Variants in SPTB observed in about 807,000 individuals in gnomAD.
SPTB encodes spectrin beta, erythrocytic.
Under a neutral mutation model 256.2 loss-of-function variants are expected in SPTB, and 45 were observed. The ratio of observed to expected loss-of-function variants is 0.18; its 90% CI spans 0.14 to 0.23. The LOEUF is 0.23. SPTB is among the 10% of genes least tolerant of loss of function. The pLI, the probability that SPTB is intolerant of heterozygous loss-of-function variation, is 1.00. For synonymous variants in SPTB, 1,231 were observed against 1,243.1 expected (o/e 0.99, Z 0.21); for missense variants, 2,715 against 3,040.4 (o/e 0.89, Z 2.52).
rs2082046862 is a variant in SPTB at position 64,758,413 on chromosome 14, C to T, written c.6346-4620G>A. Among the ~76,000 whole-genome samples, 1 of 152,204 alleles carries T rather than the reference C, an allele frequency of 6.6e-6. No homozygotes were observed. The highest frequency in any genetic ancestry group is 1.5e-5 in the Non-Finnish European group (1 of 68,038). On this transcript the variant is annotated intron_variant, in intron 32 of 35. Transcript: ENST00000644917. This position sits in a 1 kb window ranked among gnomAD's most constrained non-coding sequence, Gnocchi z 4.6. ...AGCAGTGCAGGAGGGCCTGAGGCCC[C>T]ACCCCTTTAGGGTAGTGCAGAAGTG...
chr14:64,867,954 G>A (rs975712232), intron 1 of SPTB, among the ~76,000 whole-genome samples: 1 of 152,054 alleles, frequency 6.6e-6, no homozygotes, highest in Non-Finnish European at 1.5e-5. Context: ...AGTCATGGAG[G>A]CAGGAAAATG....
chr14:64,861,171 G>A (rs1056834395), intron 1 of SPTB, among the ~76,000 whole-genome samples: 14 of 152,142 alleles, frequency 9.2e-5, no homozygotes, highest in Non-Finnish European at 1.9e-4. Flanking sequence ...GACACAGAGA[G>A]GGGAACAACA....
At position 64,793,610 on chromosome 14, in the gene SPTB, C is replaced by T; in HGVS notation, c.2053G>A (p.Glu685Lys). 2 of 1,614,188 alleles carry T rather than the reference C, an allele frequency of 1.2e-6. No individual in the cohort carries two copies. The highest frequency in any genetic ancestry group is 8.5e-7 in the Non-Finnish European group (1 of 1,180,048). Reference sequence around the variant, plus strand: ...AGGTGAGCATCCAGCCCACGGAGCTCATCCTCAAAGGCCTTGTGCTTGCGC... The same window carrying T: ...AGGTGAGCATCCAGCCCACGGAGCTTATCCTCAAAGGCCTTGTGCTTGCGC... ...LQRKHKAFED[E>K]LRGLDAHLEQ... is the part of the protein sequence containing the mutation. Residue 685 changes from glutamate (E) to lysine (K), a missense_variant, in exon 14 of 36, where the codon GAG becomes AAG. Physicochemically the swap from Glu to Lys is moderately conservative, Grantham distance 56. Coordinates refer to ENST00000644917, the MANE Select transcript of SPTB (RefSeq NM_001355436.2). The surrounding 1 kb of genome is among the most constrained non-coding windows in gnomAD (Gnocchi z 7.0).
At chr14:64,770,173 GA>G (rs2082256433) in intron 27 of SPTB, among the ~76,000 whole-genome samples, 1 of 152,232 alleles carries the variant, frequency 6.6e-6, no homozygotes, top group African/African-American at 2.4e-5. Flanking sequence ...ACTAGGAAGA[GA>G]GGGGAATGGG....
At chr14:64,815,791 A>G (rs921391105) in intron 2 of SPTB, among the ~76,000 whole-genome samples, 1 of 152,172 alleles carries the variant, frequency 6.6e-6, no homozygotes, top group East Asian at 1.9e-4. Flanking sequence ...ACACCACTCC[A>G]TAGGTGGCTT....
intron 1 of SPTB, among the ~76,000 whole-genome samples, chr14:64,836,179 G>A (rs756784947): frequency 3.9e-5 from 6 of 152,220 alleles, no homozygotes; most frequent in Non-Finnish European, 8.8e-5. Context: ...GGACCTAGAG[G>A]ATGGGGCCAT....
At chr14:64,860,918 T>C (rs929059075) in intron 1 of SPTB, among the ~76,000 whole-genome samples, 5 of 152,136 alleles carry the variant, frequency 3.3e-5, no homozygotes, top group African/African-American at 1.2e-4. Context: ...CACATGCACA[T>C]GTATGTTTAT....
intron 10 of SPTB, among the ~76,000 whole-genome samples, chr14:64,797,294 A>T (rs1202159991): frequency 6.6e-6 from 1 of 151,648 alleles, no homozygotes; most frequent in Non-Finnish European, 1.5e-5. Flanking sequence ...ACATTGCCAG[A>T]CTCTGTCTCT....
In SPTB at chr14:64,825,982, GTTTTTGTT is replaced by G. The variant is rs895826275; in HGVS notation, c.-51-2845_-51-2838del. 5.3e-5 allele frequency among the ~76,000 whole-genome samples: 8 copies of G among 151,720 alleles called. No individual in the cohort carries two copies. The highest frequency in any genetic ancestry group is 7.4e-5 in the Non-Finnish European group (5 of 68,016). ...CTAAATATACAGCTGGAGGGTTTTT[GTTTTTGTT>G]TTTGTTTTGGAAAGAGTCAGGTCCC... On this transcript the variant is annotated intron_variant, in intron 1 of 35. Transcript: ENST00000644917. This position sits in a 1 kb window ranked among gnomAD's most constrained non-coding sequence, Gnocchi z 4.8.
At chr14:64,855,634 A>T (rs528275737) in intron 1 of SPTB, among the ~76,000 whole-genome samples, 2 of 152,178 alleles carry the variant, frequency 1.3e-5, no homozygotes, top group South Asian at 2.1e-4. Flanking sequence ...AGAAATGTGG[A>T]TCTTCTTTTT....
rs544233546 is a variant in SPTB, at chr14:64,834,096, G to A, written c.-51-10951C>T. ...GGCTGGAGTGCAGTGGCGCTATCTC[G>A]GCTCACTGCAACCTCCGCCTTCCAG... On this transcript the variant is annotated intron_variant, in intron 1 of 35. Coordinates refer to ENST00000644917, the MANE Select transcript of SPTB (RefSeq NM_001355436.2). 4.9e-4 allele frequency among the ~76,000 whole-genome samples: 73 copies of A among 147,908 alleles called. 1 individual carries two copies. The South Asian group carries it at 0.014, about 28-fold the overall frequency.
At chr14:64,813,897 G>A (rs2083138753) in intron 2 of SPTB, among the ~76,000 whole-genome samples, 1 of 152,206 alleles carries the variant, frequency 6.6e-6, no homozygotes, top group African/African-American at 2.4e-5. Context: ...CCATAATAAA[G>A]CCTAGCATGG....
rs1227189633 is a variant in SPTB at position 64,786,411 on chromosome 14, C to T, written c.3554G>A (p.Ser1185Asn). The T allele has an allele frequency of 1.9e-6, 3 of 1,613,954 alleles. No individual in the cohort carries two copies. In the African/African-American group the frequency reaches 4.0e-5, roughly 22 times the overall value. Residue 1185 changes from serine (S) to asparagine (N), a missense_variant, in exon 16 of 36, where the codon AGC (serine) becomes AAC (asparagine). Around this residue, in one of 4 missense-constraint regions of SPTB, gnomAD observed 2,239 missense variants for 2,384.4 expected, o/e 0.94. Coordinates refer to ENST00000644917, the MANE Select transcript of SPTB (RefSeq NM_001355436.2). The surrounding 1 kb of genome is among the most constrained non-coding windows in gnomAD (Gnocchi z 5.6). ...CCCTGAATGCCTCTCTACCTGGTTG[C>T]TGAGGATGGCTTCAGCCTGCTTGGC... ...KDAKQAEAILSNQEYTLAHLE... is the reference protein window; with the variant it reads ...KDAKQAEAILNNQEYTLAHLE...
At chr14:64,763,901 A>G (rs1002547988) in intron 32 of SPTB, 11 of 518,192 alleles carry the variant, frequency 2.1e-5, no homozygotes, top group Non-Finnish European at 3.9e-5. Context: ...ACGTGCACAC[A>G]CACGTGGGGA....
rs117072396 is a variant in SPTB at position 64,851,370 on chromosome 14, G to A, written c.-51-28225C>T. Reference sequence around the variant, plus strand: ...CTAACATTATCTACTTTATGGAGTTGTTGTGAATATTAAAGACTTCATATA... The same window carrying A: ...CTAACATTATCTACTTTATGGAGTTATTGTGAATATTAAAGACTTCATATA... On this transcript the variant is annotated intron_variant, in intron 1 of 35. Transcript: ENST00000644917. 4.6e-5 allele frequency among the ~76,000 whole-genome samples: 7 copies of A among 152,276 alleles called. No homozygotes were observed. The East Asian group carries it at 1.2e-3, about 25-fold the overall frequency.
In SPTB at chr14:64,806,965, T is replaced by C. The variant is rs2082996007; in HGVS notation, c.149-1875A>G. ...AGCGAGAAAACTCCCCTTACCCTTT[T>C]GTCAACAGCAAATTAAACCACTTTC... On this transcript the variant is annotated intron_variant, in intron 2 of 35. Coordinates refer to ENST00000644917, the MANE Select transcript of SPTB (RefSeq NM_001355436.2). The surrounding 1 kb of genome is among the most constrained non-coding windows in gnomAD (Gnocchi z 4.1). 1.3e-5 allele frequency among the ~76,000 whole-genome samples: 2 copies of C among 152,226 alleles called. No homozygotes were observed. The highest frequency in any genetic ancestry group is 4.8e-5 in the African/African-American group (2 of 41,458).
At chr14:64,809,899 A>G (rs1594801174) in intron 2 of SPTB, among the ~76,000 whole-genome samples, 2 of 151,926 alleles carry the variant, frequency 1.3e-5, no homozygotes, top group East Asian at 3.8e-4. Flanking sequence ...GGTCTTGAAT[A>G]AAAAACTCAA....
intron 33 of SPTB, among the ~76,000 whole-genome samples, chr14:64,751,532 C>T (rs1345285609): frequency 6.6e-6 from 1 of 152,136 alleles, no homozygotes; most frequent in Non-Finnish European, 1.5e-5. Context: ...ATTTAAATAG[C>T]AATGTGATGA....
intron 19 of SPTB, among the ~76,000 whole-genome samples, chr14:64,783,579 T>C (rs1051268760): frequency 6.6e-6 from 1 of 152,226 alleles, no homozygotes; most frequent in Non-Finnish European, 1.5e-5. Flanking sequence ...AAGCATTTAG[T>C]GCTCACAACT....
Sources: gnomAD v4.1 joint callset for allele counts (sites outside exome capture counted in the v4.1 genomes callset) on GRCh38, gnomAD v4.1.1 for gene constraint, gnomAD v4.1.1 regional missense constraint, Gnocchi (gnomAD v3.1) non-coding constraint, MANE v1.5 for transcripts, NCBI Gene and HGNC (gene_info 2026-07-23, HGNC 2026-07-21) for gene names.